Variants in SLC36A1 observed in about 807,000 individuals in gnomAD.
The protein encoded by SLC36A1 is proton-coupled amino acid transporter 1.
In SLC36A1, 30 loss-of-function variants were observed where a neutral mutation model predicts 47.5. The observed-to-expected ratio is 0.63, with a 90% confidence interval of 0.47 to 0.86. The LOEUF is 0.86. Ranked by LOEUF, SLC36A1 falls within the 40% of genes least tolerant of loss-of-function variation. The pLI is 0.00. For missense variants in SLC36A1, 517 were observed against 606.0 expected, an observed-to-expected ratio of 0.85 and a Z score of 1.54; for synonymous variants, 255 against 249.7, an observed-to-expected ratio of 1.02 and a Z score of -0.20.
In SLC36A1 at chr5:151,467,239, T is replaced by A. The variant is rs1387348653; in HGVS notation, c.460T>A (p.Phe154Ile). ...CTTCCTGATTGTCACCCAGCTGGGA[T>A]TCTGCTGTGTCTATTTTGTGTTTCT... ...DFFLIVTQLGFCCVYFVFLAD... is the reference protein window; with the variant it reads ...DFFLIVTQLGICCVYFVFLAD... Residue 154 changes from phenylalanine (F) to isoleucine (I), a missense_variant, in exon 6 of 11, where the codon TTC becomes ATC. By Grantham distance (21) the Phe-to-Ile change is conservative (BLOSUM62 0). Transcript: ENST00000243389. 6.2e-7 allele frequency: 1 copy of A among 1,613,150 alleles called. No individual in the cohort carries two copies. The highest frequency in any genetic ancestry group is 8.5e-7 in the Non-Finnish European group (1 of 1,179,778).
At chr5:151,370,272 C>A in the SLC36A1 span, among the ~76,000 whole-genome samples, 2 of 152,210 alleles carry the variant, frequency 1.3e-5, no homozygotes, top group Non-Finnish European at 2.9e-5. Flanking sequence ...GATCATCCCA[C>A]CACAGATAAC....
the SLC36A1 span, among the ~76,000 whole-genome samples, chr5:151,429,640 G>A: frequency 6.6e-6 from 1 of 152,028 alleles, no homozygotes; most frequent in African/African-American, 2.4e-5. Context: ...CAGGAATGGG[G>A]ACAGCCTGCT....
the SLC36A1 span, among the ~76,000 whole-genome samples, chr5:151,538,617 C>T: frequency 6.6e-6 from 1 of 152,332 alleles, no homozygotes; most frequent in African/African-American, 2.4e-5. Flanking sequence ...TGGTTTCCAC[C>T]ACTGTTGAGT....
chr5:151,431,257 C>T, the SLC36A1 span: 1 of 152,186 alleles, frequency 6.6e-6, no homozygotes, highest in African/African-American at 2.4e-5. Flanking sequence ...AGCCCAGAAG[C>T]TTCTGTGGAG....
At chr5:151,373,386 AC>A in the SLC36A1 span, among the ~76,000 whole-genome samples, 1 of 152,172 alleles carries the variant, frequency 6.6e-6, no homozygotes, top group Admixed American at 6.5e-5. Flanking sequence ...TAAAGGGAAA[AC>A]CTTGAAAGCA....
chr5:151,456,254 C>T (rs1366732915), intron 1 of SLC36A1, among the ~76,000 whole-genome samples: 1 of 152,142 alleles, frequency 6.6e-6, no homozygotes, highest in Non-Finnish European at 1.5e-5. Context: ...AGTGATCCTC[C>T]CACCTCAGCC....
chr5:151,474,172 AAAAAAAAG>A (rs1353458460), intron 8 of SLC36A1, among the ~76,000 whole-genome samples: 15 of 135,658 alleles, frequency 1.1e-4, no homozygotes, highest in African/African-American at 5.0e-4. Context: ...AAAAAAAAAA[AAAAAAAAG>A]AAATTATCTT....
chr5:151,507,903 A>G, the SLC36A1 span, among the ~76,000 whole-genome samples: 13 of 152,138 alleles, frequency 8.5e-5, no homozygotes, highest in Non-Finnish European at 1.6e-4. Flanking sequence ...ATGAGGTCGG[A>G]TTTCCTCCCA....
chr5:151,495,878 G>A (rs1408084458), downstream of SLC36A1, among the ~76,000 whole-genome samples: 1 of 152,066 alleles, frequency 6.6e-6, no homozygotes, highest in Non-Finnish European at 1.5e-5. Flanking sequence ...TTATTGCTGA[G>A]TAGGGTTCCA....
intron 1 of SLC36A1, among the ~76,000 whole-genome samples, chr5:151,455,077 T>A (rs1754292629): frequency 6.6e-6 from 1 of 152,034 alleles, no homozygotes; most frequent in Non-Finnish European, 1.5e-5. Context: ...AGAGAACACA[T>A]TATCTGGCAA....
chr5:151,498,010 A>G, the SLC36A1 span, among the ~76,000 whole-genome samples: 26 of 151,404 alleles, frequency 1.7e-4, no homozygotes, highest in Non-Finnish European at 2.2e-4. Context: ...CAATGGTGCA[A>G]TCTTGGCTCA....
upstream of SLC36A1, among the ~76,000 whole-genome samples, chr5:151,435,603 A>G (rs904011961): frequency 6.6e-6 from 1 of 152,158 alleles, no homozygotes; most frequent in Non-Finnish European, 1.5e-5. Context: ...TGCAGTGACT[A>G]AAGATATTGC....
intron 10 of SLC36A1, among the ~76,000 whole-genome samples, chr5:151,482,372 C>T (rs1185307400): frequency 2.6e-5 from 4 of 152,098 alleles, no homozygotes; most frequent in Non-Finnish European, 5.9e-5. Context: ...TCTCTCAACT[C>T]CAAAATTCTG....
the SLC36A1 span, among the ~76,000 whole-genome samples, chr5:151,400,492 G>A: frequency 6.6e-6 from 1 of 152,124 alleles, no homozygotes; most frequent in Non-Finnish European, 1.5e-5. Flanking sequence ...CTTTTTGGTA[G>A]AATGATTTAT....
At chr5:151,536,298 A>G in the SLC36A1 span, among the ~76,000 whole-genome samples, 1 of 152,196 alleles carries the variant, frequency 6.6e-6, no homozygotes, top group Non-Finnish European at 1.5e-5. Context: ...GAGGTTAAAT[A>G]ACCTGCCTGG....
the SLC36A1 span, chr5:151,382,369 T>C: frequency 1.3e-4 from 100 of 743,264 alleles, 1 homozygote; most frequent in South Asian, 8.6e-4. Context: ...CTCAAAAATA[T>C]CAAAGATGCC....
chr5:151,399,115 C>G, the SLC36A1 span, among the ~76,000 whole-genome samples: 1 of 86,062 alleles, frequency 1.2e-5, no homozygotes, highest in African/African-American at 4.6e-5. Flanking sequence ...GAGACAGAGT[C>G]TTACTCTATC....
the SLC36A1 span, among the ~76,000 whole-genome samples, chr5:151,502,077 G>A: frequency 0.32 from 47,707 of 147,308 alleles, 10,753 homozygotes; most frequent in African/African-American, 0.54. Context: ...TTTGGGATGC[G>A]GAGGCGGGTG....
At chr5:151,432,823 A>T (rs140390225), upstream of SLC36A1, among the ~76,000 whole-genome samples, 11 of 152,302 alleles carry the variant, frequency 7.2e-5, no homozygotes, top group Non-Finnish European at 1.3e-4. Context: ...GTCACACAGC[A>T]AGAAGCCTGA....
Sources: gnomAD v4.1 joint callset for allele counts (sites outside exome capture counted in the v4.1 genomes callset) on GRCh38, gnomAD v4.1.1 for gene constraint, MANE v1.5 for transcripts, NCBI Gene and HGNC (gene_info 2026-07-23, HGNC 2026-07-21) for gene names.